Variants in NBEAL1 observed in about 807,000 individuals in gnomAD.
NBEAL1 encodes neurobeachin-like protein 1.
In NBEAL1, 273 loss-of-function variants were observed where a neutral mutation model predicts 351.3. The observed-to-expected ratio is 0.78, with a 90% CI of 0.70 to 0.86. The LOEUF (loss-of-function observed/expected upper bound fraction) is 0.86, where lower values mean the gene tolerates loss of function less well. Among genes scored for constraint, NBEAL1 ranks in the 40% least tolerant of loss-of-function variants. The pLI, the probability that NBEAL1 is intolerant of heterozygous loss-of-function variation, is 0.00. For synonymous variants in NBEAL1, 1,050 were observed against 1,086.4 expected, an observed-to-expected ratio of 0.97 and a Z score of 0.66; for missense variants, 2,961 against 3,201.3, an observed-to-expected ratio of 0.92 and a Z score of 1.81.
chr2:203,130,666 GA>G (rs2063052903), intron 25 of NBEAL1, among the ~76,000 whole-genome samples, 190 bp downstream of exon 25: 1 of 151,982 alleles, frequency 6.6e-6, no homozygotes, highest in South Asian at 2.1e-4. Context: ...ATTGTAATCT[GA>G]AAATCCTCTC....
chr2:203,161,677 AAAT>A (rs1200472145), intron 36 of NBEAL1, among the ~76,000 whole-genome samples: 8 of 105,270 alleles, frequency 7.6e-5, no homozygotes, highest in African/African-American at 1.8e-4. Flanking sequence ...ATAAATAAAT[AAAT>A]AAAAGCCAGC....
chr2:203,095,180 G>T (rs1478821066), intron 10 of NBEAL1, among the ~76,000 whole-genome samples: 2 of 152,128 alleles, frequency 1.3e-5, no homozygotes, highest in Non-Finnish European at 2.9e-5. Flanking sequence ...GCAAGGAGAA[G>T]AATTCAAAAC....
intron 51 of NBEAL1, 93 bp downstream of exon 51, chr2:203,202,874 G>T: frequency 1.4e-6 from 1 of 723,140 alleles, no homozygotes; most frequent in Admixed American, 2.2e-5. Context: ...ATTGTTTTCT[G>T]GCAGTGACTG....
chr2:203,048,380 CAAAAA>C (rs56116456), intron 3 of NBEAL1, among the ~76,000 whole-genome samples: 6 of 117,018 alleles, frequency 5.1e-5, no homozygotes, highest in South Asian at 2.9e-4. Flanking sequence ...GACTCCATCT[CAAAAA>C]AAAAAAAAAA....
At chr2:203,211,941 G>A (rs1389345614) in intron 54 of NBEAL1, among the ~76,000 whole-genome samples, 1 of 152,080 alleles carries the variant, frequency 6.6e-6, no homozygotes, top group African/African-American at 2.4e-5. Context: ...AGGCTGGAGT[G>A]CAGTGGCATG....
At chr2:203,047,502 G>C (rs560530657) in intron 3 of NBEAL1, among the ~76,000 whole-genome samples, 1 of 152,142 alleles carries the variant, frequency 6.6e-6, no homozygotes, top group Admixed American at 6.6e-5. Context: ...CTTCTCCTTA[G>C]GTCAATGTCT....
intron 12 of NBEAL1, among the ~76,000 whole-genome samples, chr2:203,105,771 A>G (rs1196977821): frequency 6.6e-6 from 1 of 152,202 alleles, no homozygotes; most frequent in African/African-American, 2.4e-5. Context: ...TTTAAAAGAC[A>G]TTAATGATTG....
Position 203,157,752 on chromosome 2 carries a change from C to G in NBEAL1, c.5641C>G (p.Gln1881Glu). ...SDTLLLEVVK[Q>E]VKVSDMVEDK... Reference sequence around the variant, plus strand: ...TACATTGCTTTTGGAAGTAGTGAAACAAGTAAAAGTTAGTGATATGGTGGA... The same window carrying G: ...TACATTGCTTTTGGAAGTAGTGAAAGAAGTAAAAGTTAGTGATATGGTGGA... Residue 1881 changes from glutamine (Q) to glutamate (E), a missense_variant, in exon 36 of 56, where the codon CAA becomes GAA. Coordinates refer to ENST00000683969, the MANE Select transcript of NBEAL1 (RefSeq NM_001378026.1). 1 of 1,597,254 alleles carries G rather than the reference C, an allele frequency of 6.3e-7. No individual in the cohort carries two copies. The highest frequency in any genetic ancestry group is 8.5e-7 in the Non-Finnish European group (1 of 1,172,388).
intron 31 of NBEAL1, among the ~76,000 whole-genome samples, chr2:203,138,982 G>T (rs1156456626): frequency 6.6e-6 from 1 of 152,042 alleles, no homozygotes; most frequent in Non-Finnish European, 1.5e-5. Flanking sequence ...TTTATACATA[G>T]CTTATATTAG....
chr2:203,068,474 T>C lies in NBEAL1; in HGVS notation c.597T>C (p.Tyr199=), dbSNP rs945819143. The change falls in exon 7 of 56, where the codon TAT becomes TAC. Residue 199 remains tyrosine, a splice_region_variant and synonymous_variant. Coordinates refer to ENST00000683969, the MANE Select transcript of NBEAL1 (RefSeq NM_001378026.1). ...CAGTGGAATTCGTCCCTTTCTTTTA[T>C]CGTAAGTAACACCTCTAATTTCTCT... is the stretch of plus-strand genomic sequence containing the variant. ...SLTVEFVPFF[Y]QCFQESEHLK... The C allele has an allele frequency of 6.5e-7, 1 of 1,527,946 alleles. No homozygotes were observed. Among genetic ancestry groups the C allele is most frequent in the African/African-American group, 1.4e-5 (1 of 72,690 alleles). The allele number at this position is 1,527,946 out of a possible 1,614,324, so 94.6% of individuals were successfully genotyped here.
chr2:203,174,844 G>A (rs1033644305), intron 41 of NBEAL1, among the ~76,000 whole-genome samples: 1 of 149,256 alleles, frequency 6.7e-6, no homozygotes, highest in African/African-American at 2.5e-5. Flanking sequence ...TGAGCCGAGA[G>A]CGAGACTCTG....
rs2065921945 is a variant in NBEAL1, at chr2:203,218,635, G to T, written c.*1281G>T. On this transcript the variant is annotated 3_prime_UTR_variant, in exon 56 of 56. Coordinates refer to ENST00000683969, the MANE Select transcript of NBEAL1 (RefSeq NM_001378026.1). ...ATTCTTTTTTGTTCCACAAATCATA[G>T]ATGTCCTTAAATCCAATTGTCTTCT... 1 of 152,126 alleles carries T rather than the reference G, an allele frequency of 6.6e-6. No homozygotes were observed. Among genetic ancestry groups the T allele is most frequent in the Non-Finnish European group, 1.5e-5 (1 of 68,012 alleles). The allele number at this position is 152,126 out of a possible 1,614,324, so 9.4% of individuals were successfully genotyped here.
chr2:203,143,190 A>C (rs1295946093), intron 31 of NBEAL1, among the ~76,000 whole-genome samples: 3 of 152,192 alleles, frequency 2.0e-5, no homozygotes, highest in African/African-American at 7.2e-5. Flanking sequence ...TAAGACTTAG[A>C]TCTTTCTGTA....
At chr2:203,104,143 G>A (rs2062383656) in intron 12 of NBEAL1, among the ~76,000 whole-genome samples, 1 of 152,106 alleles carries the variant, frequency 6.6e-6, no homozygotes, top group South Asian at 2.1e-4. Flanking sequence ...TTAAGCTCAG[G>A]TCCTGAATAT....
At chr2:203,143,036 A>G (rs979345579) in intron 31 of NBEAL1, among the ~76,000 whole-genome samples, 1 of 152,212 alleles carries the variant, frequency 6.6e-6, no homozygotes, top group Admixed American at 6.5e-5. Flanking sequence ...TTTTGGCACA[A>G]ATACATTCTT....
At chr2:203,095,208 A>G (rs1187563382) in intron 10 of NBEAL1, among the ~76,000 whole-genome samples, 2 of 152,260 alleles carry the variant, frequency 1.3e-5, no homozygotes, top group African/African-American at 4.8e-5. Flanking sequence ...TAGTCTTTAC[A>G]GCTGCTAAAA....
chr2:203,025,083 G>C (rs951630966), intron 2 of NBEAL1, among the ~76,000 whole-genome samples: 2 of 152,048 alleles, frequency 1.3e-5, no homozygotes, highest in Non-Finnish European at 2.9e-5. Context: ...ACCTTTATTG[G>C]TCTGTGTACC....
At chr2:203,155,121 G>A (rs4673243) in intron 35 of NBEAL1, among the ~76,000 whole-genome samples, 137,351 of 150,890 alleles carry the variant, frequency 0.91, 62,996 homozygotes, top group Non-Finnish European at 0.96. Flanking sequence ...AGTCATGTGC[G>A]CCCATGATCC....
rs554934697 is a variant in NBEAL1 at position 203,163,494 on chromosome 2, CTG to C, written c.5715-2651_5715-2650del. ...ATGAATCTTGACAAATACTCATAAC[CTG>C]TGTTATAACCCTCACCCCAAAAAGA... On this transcript the variant is annotated intron_variant, in intron 36 of 55. Transcript: ENST00000683969. 8.7e-4 allele frequency among the ~76,000 whole-genome samples: 133 copies of C among 152,132 alleles called. 1 individual carries two copies. The highest frequency in any genetic ancestry group is 3.0e-3 in the African/African-American group (124 of 41,518).
Sources: allele counts gnomAD v4.1 joint callset (sites outside exome capture counted in the v4.1 genomes callset), GRCh38; gene constraint gnomAD v4.1.1; transcripts MANE v1.5; gene names NCBI Gene and HGNC (gene_info 2026-07-23, HGNC 2026-07-21).